The following TBX15 variants were observed in gnomAD, a reference collection of about 807,000 sequenced individuals.
TBX15 encodes the protein T-box transcription factor TBX15.
TBX15 carries 18 observed loss-of-function variants against 53.9 expected under a neutral mutation model. The observed-to-expected ratio is 0.33, with a 90% CI of 0.23 to 0.49. The LOEUF is 0.49. Ranked by LOEUF, TBX15 falls within the 20% of genes least tolerant of loss-of-function variation. TBX15 has a pLI of 0.98. For synonymous variants in TBX15, 295 were observed against 278.0 expected, an observed-to-expected ratio of 1.06 and a Z score of -0.61; for missense variants, 692 against 749.5, an observed-to-expected ratio of 0.92 and a Z score of 0.90.
intron 7 of TBX15, among the ~76,000 whole-genome samples, chr1:118,894,349 T>C (rs1654318190): frequency 6.6e-6 from 1 of 152,150 alleles, no homozygotes; most frequent in Non-Finnish European, 1.5e-5. Context: ...ATCCCTATTT[T>C]AGAGGTGAGG....
At chr1:118,885,606 A>C in intron 7 of TBX15, 90 bp from the exon 8 acceptor site, 1 of 1,493,838 alleles carries the variant, frequency 6.7e-7, no homozygotes, top group Non-Finnish European at 9.1e-7. Flanking sequence ...AGGTGCCTTC[A>C]AATGTCCAAG....
chr1:118,933,940 T>C (rs916976454), intron 1 of TBX15, among the ~76,000 whole-genome samples: 3 of 152,130 alleles, frequency 2.0e-5, no homozygotes, highest in African/African-American at 7.2e-5. Flanking sequence ...GGACATATGA[T>C]TTCTCCAATG....
chr1:118,965,499 A>G (rs968012083), intron 1 of TBX15, among the ~76,000 whole-genome samples: 2 of 152,170 alleles, frequency 1.3e-5, no homozygotes, highest in Non-Finnish European at 2.9e-5. Context: ...AAATTGAACA[A>G]CCTTTCGGGA....
intron 6 of TBX15, among the ~76,000 whole-genome samples, chr1:118,905,696 G>A (rs1386123419): frequency 6.6e-6 from 1 of 152,192 alleles, no homozygotes; most frequent in Admixed American, 6.5e-5. Context: ...AAAATTTTGG[G>A]GGGCTGGTAA....
At chr1:118,910,417 GT>G (rs1654992589) in intron 6 of TBX15, among the ~76,000 whole-genome samples, 1 of 151,968 alleles carries the variant, frequency 6.6e-6, no homozygotes, top group Non-Finnish European at 1.5e-5. Context: ...TTTTGTTGTT[GT>G]TGTTGTTGTT....
intron 1 of TBX15, among the ~76,000 whole-genome samples, chr1:118,959,947 A>T (rs547872757): frequency 6.6e-6 from 1 of 152,250 alleles, no homozygotes; most frequent in Admixed American, 6.5e-5. Flanking sequence ...GACTGAAACC[A>T]TCTTCTCTGA....
At position 118,914,757 on chromosome 1, in the gene TBX15, G is replaced by A. The variant is rs147883489; in HGVS notation, c.862-578C>T. ...AATGACTTGAAATGTTCATGTAGAA[G>A]ACAGAAAAAGCAGACTTTTGCCAGG... On this transcript the variant is annotated intron_variant, in intron 5 of 7. Coordinates refer to ENST00000369429, the MANE Select transcript of TBX15 (RefSeq NM_001330677.2). Among the ~76,000 whole-genome samples the A allele has an allele frequency of 2.2e-4, 34 of 152,242 alleles. No individual in the cohort carries two copies. The East Asian group carries it at 5.4e-3, about 24-fold the overall frequency.
At chr1:118,959,799 C>T (rs1656805339) in intron 1 of TBX15, among the ~76,000 whole-genome samples, 2 of 152,194 alleles carry the variant, frequency 1.3e-5, no homozygotes, top group African/African-American at 4.8e-5. Flanking sequence ...GCAATAAATT[C>T]AGTACATCCA....
At chr1:118,939,434 A>AAAAAAAAAAAAAAAAAAAAAT (rs1656087775) in intron 1 of TBX15, among the ~76,000 whole-genome samples, 1 of 72,792 alleles carries the variant, frequency 1.4e-5, no homozygotes, top group Non-Finnish European at 2.7e-5. Context: ...AAAAAAAAAA[A>AAAAAAAAAAAAAAAAAAAAAT]AACAAAAACA....
At position 118,884,024 on chromosome 1, in the gene TBX15, A is replaced by G. The variant is rs1326769066; in HGVS notation, c.*708T>C. 6.5e-6 allele frequency: 1 copy of G among 152,962 alleles called. No individual in the cohort carries two copies. Among genetic ancestry groups the G allele is most frequent in the African/African-American group, 2.4e-5 (1 of 41,422 alleles). 9.5% of individuals were successfully genotyped at this position (152,962 alleles called of 1,614,324 possible). ...TCCACGGGCACCACTGGGAATATCA[A>G]TGATAGCATACAAGTGAAGAGAGCC... On this transcript the variant is annotated 3_prime_UTR_variant, in exon 8 of 8. Coordinates refer to ENST00000369429, the MANE Select transcript of TBX15 (RefSeq NM_001330677.2).
chr1:118,920,947 G>A (rs112582536), intron 5 of TBX15, among the ~76,000 whole-genome samples: 3 of 152,208 alleles, frequency 2.0e-5, no homozygotes, highest in South Asian at 2.1e-4. Context: ...GGCCGAGGTG[G>A]GAGAATTGCT....
At chr1:118,960,624 G>C (rs1214348677) in intron 1 of TBX15, among the ~76,000 whole-genome samples, 1 of 152,196 alleles carries the variant, frequency 6.6e-6, no homozygotes, top group African/African-American at 2.4e-5. Flanking sequence ...AGGCCTGCCA[G>C]GGTAGAAAGC....
chr1:118,983,985 GAGGTGATGTC>G (rs1657733119), intron 1 of TBX15, among the ~76,000 whole-genome samples: 1 of 152,262 alleles, frequency 6.6e-6, no homozygotes, highest in Admixed American at 6.5e-5. Context: ...GGTTGGTAGA[GAGGTGATGTC>G]AGAATTAAAA....
rs144351219 is a variant in TBX15 at position 118,975,016 on chromosome 1, A to G, written c.205+12575T>C. On this transcript the variant is annotated intron_variant, in intron 1 of 7. Transcript: ENST00000369429. The stretch of plus-strand genomic sequence containing the variant: ...ATGTTTCTAAGCTGTTCCATTTTGA[A>G]TCAATTACCAATGAGATTCCATCCA... Among the ~76,000 whole-genome samples the G allele has an allele frequency of 3.9e-3, 600 of 152,354 alleles. 1 individual carries two copies. The highest frequency in any genetic ancestry group is 0.014 in the African/African-American group (567 of 41,572).
intron 6 of TBX15, among the ~76,000 whole-genome samples, chr1:118,904,327 C>T (rs1654738194): frequency 6.6e-6 from 1 of 152,134 alleles, no homozygotes; most frequent in South Asian, 2.1e-4. Context: ...GCCAAACCTT[C>T]CATACTTCTT....
At chr1:118,939,426 A>AAAAAAAAAAAAAAAAAAAAAAAAG (rs1656083884) in intron 1 of TBX15, among the ~76,000 whole-genome samples, 1 of 106,608 alleles carries the variant, frequency 9.4e-6, no homozygotes, top group Non-Finnish European at 2.0e-5. Context: ...AAAAAAAAAA[A>AAAAAAAAAAAAAAAAAAAAAAAAG]AAAAAAAAAA....
intron 7 of TBX15, among the ~76,000 whole-genome samples, chr1:118,887,942 C>T (rs963822390): frequency 8.6e-5 from 13 of 151,978 alleles, no homozygotes; most frequent in East Asian, 1.9e-4. Flanking sequence ...TAACTAATAA[C>T]GAAAGAATTT....
At chr1:118,917,919 C>T (rs1364475644) in intron 5 of TBX15, among the ~76,000 whole-genome samples, 2 of 152,192 alleles carry the variant, frequency 1.3e-5, no homozygotes, top group African/African-American at 2.4e-5. Context: ...ACTCCCTTGC[C>T]TTGATCCACA....
chr1:118,971,304 TAGAGAGATCAAC>T (rs1022445385), intron 1 of TBX15, among the ~76,000 whole-genome samples: 2 of 152,160 alleles, frequency 1.3e-5, no homozygotes, highest in Non-Finnish European at 2.9e-5. Context: ...TTCCAGAATA[TAGAGAGATCAAC>T]AGACACATTC....
Sources: allele counts gnomAD v4.1 joint callset (sites outside exome capture counted in the v4.1 genomes callset), GRCh38; gene constraint gnomAD v4.1.1; transcripts MANE v1.5; gene names NCBI Gene and HGNC (gene_info 2026-07-23, HGNC 2026-07-21).